The following PCDHGA1 variants were observed in gnomAD, a reference collection of about 807,000 sequenced individuals.
PCDHGA1 encodes the protein protocadherin gamma-A1.
In PCDHGA1, 32 loss-of-function variants were observed where a neutral mutation model predicts 58.0. The observed-to-expected ratio is 0.55, with a 90% CI of 0.42 to 0.74. PCDHGA1 has a LOEUF of 0.74. Ranked by LOEUF, PCDHGA1 falls within the 30% of genes least tolerant of loss-of-function variation. PCDHGA1 has a pLI of 0.00. For missense variants in PCDHGA1, 1,205 were observed against 1,182.3 expected (o/e 1.02, Z -0.28); for synonymous variants, 498 against 501.1 (o/e 0.99, Z 0.08).
At position 141,400,271 on chromosome 5, in the gene PCDHGA1, C is replaced by A. The variant is rs2093993934; in HGVS notation, c.2421+67166C>A. The A allele has an allele frequency of 4.3e-6, 7 of 1,614,094 alleles. No individual in the cohort carries two copies. In the African/African-American group the frequency reaches 9.3e-5, roughly 21 times the overall value. The stretch of plus-strand genomic sequence containing the variant: ...GTTGCCTTGCGCCTGCGACGCTCCT[C>A]CAGCCCTGCCGCCTGGAGCTGCTTC... On this transcript the variant is annotated intron_variant, in intron 1 of 3. Transcript: ENST00000517417.
chr5:141,385,298 G>A (rs1409031209), intron 1 of PCDHGA1: 2 of 1,612,982 alleles, frequency 1.2e-6, no homozygotes, highest in Non-Finnish European at 8.5e-7. Context: ...TTTCAGGAAT[G>A]TAAAGAAAAC....
chr5:141,371,305 T>C lies in PCDHGA1; in HGVS notation c.2421+38200T>C, dbSNP rs772021444. 1.8e-5 allele frequency: 29 copies of C among 1,613,822 alleles called. No individual in the cohort carries two copies. Among genetic ancestry groups the C allele is most frequent in the African/African-American group, 2.7e-5 (2 of 74,920 alleles). ...AGTAAAACGGGGGAACTCACCACTATTGGAGAACTGGACTTTGAAGAGAGA... is the reference window on the plus strand; with the variant it reads ...AGTAAAACGGGGGAACTCACCACTACTGGAGAACTGGACTTTGAAGAGAGA... On this transcript the variant is annotated intron_variant, in intron 1 of 3. Transcript: ENST00000517417.
intron 1 of PCDHGA1, chr5:141,478,378 G>A (rs1454112813): frequency 6.2e-7 from 1 of 1,613,558 alleles, no homozygotes; most frequent in Admixed American, 1.7e-5. Context: ...TGATGTCGCC[G>A]CACCTTTACC....
intron 1 of PCDHGA1, chr5:141,414,679 G>T: frequency 6.2e-7 from 1 of 1,613,960 alleles, no homozygotes; most frequent in South Asian, 1.1e-5. Context: ...CACCATCCAG[G>T]GGGTACCTCT....
intron 1 of PCDHGA1, chr5:141,389,289 A>G (rs1384091312): frequency 1.2e-6 from 2 of 1,613,966 alleles, no homozygotes; most frequent in African/African-American, 1.3e-5. Context: ...TGGAGCCTCT[A>G]TTTCACAAGT....
rs754728562 is a variant in PCDHGA1, at chr5:141,489,487, G to A, written c.2422-5320G>A. 6.2e-7 allele frequency: 1 copy of A among 1,613,942 alleles called. No individual in the cohort carries two copies. On this transcript the variant is annotated intron_variant, in intron 1 of 3. Coordinates refer to ENST00000517417, the MANE Select transcript of PCDHGA1 (RefSeq NM_018912.3). This position sits in a 1 kb window ranked among gnomAD's most constrained non-coding sequence, Gnocchi z 4.5. The stretch of plus-strand genomic sequence containing the variant: ...TTTTTCCCTGAGCTTGATGAGTGGT[G>A]CCCTGGCAGTGAATCAAAAGATTGA...
rs2099621975 is a variant in PCDHGA1 at position 141,485,946 on chromosome 5, G to A, written c.2422-8861G>A. ...AGTGTGTTGGAGAGCGCACCAGCGG[G>A]CATGGTGCTCATCCAGCTCAATGCC... On this transcript the variant is annotated intron_variant, in intron 1 of 3. Transcript: ENST00000517417. This position sits in a 1 kb window ranked among gnomAD's most constrained non-coding sequence, Gnocchi z 5.7. The A allele has an allele frequency of 1.2e-6, 2 of 1,614,040 alleles. No homozygotes were observed. The highest frequency in any genetic ancestry group is 2.2e-5 in the East Asian group (1 of 44,884).
rs2095194600 is a variant in PCDHGA1 at position 141,408,919 on chromosome 5, C to T, written c.2421+75814C>T. On this transcript the variant is annotated intron_variant, in intron 1 of 3. Transcript: ENST00000517417. The stretch of plus-strand genomic sequence containing the variant: ...CTGTCAAGGATACCAATGATAACCC[C>T]CCGGTTTTCAGCAGAGACGAATATA... 2.5e-6 allele frequency: 4 copies of T among 1,613,346 alleles called. No individual in the cohort carries two copies. The African/African-American group carries it at 4.0e-5, about 16-fold the overall frequency.
intron 1 of PCDHGA1, chr5:141,399,627 C>T (rs751717107): frequency 1.2e-6 from 2 of 1,613,906 alleles, no homozygotes; most frequent in Non-Finnish European, 1.7e-6. Context: ...TGGCCTCTTA[C>T]GTGTCCATGA....
At chr5:141,350,874 A>G (rs756809121) in intron 1 of PCDHGA1, 3 of 1,613,964 alleles carry the variant, frequency 1.9e-6, no homozygotes, top group Non-Finnish European at 2.5e-6. Flanking sequence ...CAGAGCTCTC[A>G]TCGCTTAATC....
chr5:141,456,335 G>A (rs2098850730), intron 1 of PCDHGA1, among the ~76,000 whole-genome samples: 1 of 152,114 alleles, frequency 6.6e-6, no homozygotes. Flanking sequence ...TTGATCTAAG[G>A]GTCCTCGGAA....
intron 1 of PCDHGA1, chr5:141,370,225 C>G: frequency 1.7e-6 from 1 of 577,904 alleles, no homozygotes; most frequent in Admixed American, 3.6e-5. Context: ...CCGCTGCAGC[C>G]AGCTCGGAAG....
intron 1 of PCDHGA1, chr5:141,371,030 C>T (rs62378420): frequency 0.034 from 55,625 of 1,613,990 alleles, 1,067 homozygotes; most frequent in Middle Eastern, 0.098. Flanking sequence ...ACCTGGTCCT[C>T]ACAGCTGTGG....
rs765249445 is a variant in PCDHGA1, at chr5:141,489,754, C to T, written c.2422-5053C>T. ...CACCAATACTGTGAGCTTTTACACT[C>T]TAAGCCCCAACAGCCACTTCTCTCT... is the stretch of plus-strand genomic sequence containing the variant. On this transcript the variant is annotated intron_variant, in intron 1 of 3. Coordinates refer to ENST00000517417, the MANE Select transcript of PCDHGA1 (RefSeq NM_018912.3). The surrounding 1 kb of genome is among the most constrained non-coding windows in gnomAD (Gnocchi z 4.5). The T allele has an allele frequency of 4.0e-5, 64 of 1,613,992 alleles. No individual in the cohort carries two copies. The South Asian group carries it at 6.8e-4, about 17-fold the overall frequency.
intron 1 of PCDHGA1, among the ~76,000 whole-genome samples, chr5:141,451,579 A>T (rs1222576609): frequency 6.6e-6 from 1 of 152,084 alleles, no homozygotes; most frequent in African/African-American, 2.4e-5. Flanking sequence ...TTATAAACCT[A>T]ATTTTGAAAG....
chr5:141,479,521 T>A (rs4912607), intron 1 of PCDHGA1: 2 of 152,104 alleles, frequency 1.3e-5, no homozygotes, highest in Non-Finnish European at 2.9e-5. Context: ...CTGGCCCAGG[T>A]TGGAAGTGGA....
At chr5:141,438,749 C>T (rs1238134451) in intron 1 of PCDHGA1, among the ~76,000 whole-genome samples, 3 of 149,226 alleles carry the variant, frequency 2.0e-5, no homozygotes, top group African/African-American at 4.9e-5. Context: ...GCAACCTCTG[C>T]CTCCTGGGTT....
At chr5:141,430,928 C>A in intron 1 of PCDHGA1, 1 of 1,607,098 alleles carries the variant, frequency 6.2e-7, no homozygotes, top group Non-Finnish European at 8.5e-7. Context: ...GCTGGAGCCC[C>A]GGGAGCTCGC....
intron 1 of PCDHGA1, chr5:141,372,314 G>A (rs369724462): frequency 7.7e-5 from 125 of 1,613,460 alleles, no homozygotes; most frequent in Non-Finnish European, 1.0e-4. Context: ...CCGCCCGCCA[G>A]CGCCTGCTGG....
Sources: allele counts gnomAD v4.1 joint callset (sites outside exome capture counted in the v4.1 genomes callset), GRCh38; gene constraint gnomAD v4.1.1; non-coding constraint Gnocchi (gnomAD v3.1); transcripts MANE v1.5; gene names NCBI Gene and HGNC (gene_info 2026-07-23, HGNC 2026-07-21).